Variants in NPAS3 observed in about 807,000 individuals in gnomAD.
NPAS3 encodes the protein neuronal PAS domain-containing protein 3.
NPAS3 carries 14 observed loss-of-function variants against 73.1 expected under a neutral mutation model. The ratio of observed to expected loss-of-function variants is 0.19; its 90% confidence interval spans 0.13 to 0.30. NPAS3 has a LOEUF of 0.30. Ranked by LOEUF, NPAS3 falls within the 10% of genes least tolerant of loss-of-function variation. NPAS3 has a pLI of 1.00. For missense variants in NPAS3, 1,096 were observed against 1,250.0 expected, an observed-to-expected ratio of 0.88 and a Z score of 1.86; for synonymous variants, 620 against 541.5, an observed-to-expected ratio of 1.14 and a Z score of -2.01.
intron 1 of NPAS3, among the ~76,000 whole-genome samples, chr14:33,034,438 G>C (rs1426681222): frequency 2.0e-5 from 3 of 151,332 alleles, no homozygotes; most frequent in Non-Finnish European, 4.4e-5. Context: ...AAGATGATCT[G>C]AGTTATATAA....
intron 4 of NPAS3, among the ~76,000 whole-genome samples, chr14:33,410,029 C>G (rs976766142): frequency 6.6e-6 from 1 of 152,208 alleles, no homozygotes; most frequent in East Asian, 1.9e-4. Context: ...ATTGGCAAGT[C>G]TCATGTTGAG....
chr14:33,232,442 G>T (rs2047886066), intron 3 of NPAS3, among the ~76,000 whole-genome samples: 1 of 152,144 alleles, frequency 6.6e-6, no homozygotes, highest in African/African-American at 2.4e-5. Flanking sequence ...TTCATAATTT[G>T]ACATTCTACT....
intron 5 of NPAS3, among the ~76,000 whole-genome samples, chr14:33,598,428 T>C (rs1205181654): frequency 1.3e-5 from 2 of 152,228 alleles, no homozygotes; most frequent in Admixed American, 1.3e-4. Context: ...TTTTAATAAG[T>C]CATCATTCTA....
intron 7 of NPAS3, among the ~76,000 whole-genome samples, chr14:33,771,445 T>C (rs2062648992): frequency 6.6e-6 from 1 of 152,198 alleles, no homozygotes. Context: ...TTCTCAAAGA[T>C]TTTTCAAATA....
intron 2 of NPAS3, among the ~76,000 whole-genome samples, chr14:33,100,653 A>G (rs17100112): frequency 0.12 from 17,748 of 152,170 alleles, 1,829 homozygotes; most frequent in African/African-American, 0.28. Context: ...AGTTACCTGG[A>G]AGATATGTCA....
At chr14:32,938,802 G>C (rs1254529335), upstream of NPAS3, among the ~76,000 whole-genome samples, 1 of 147,386 alleles carries the variant, frequency 6.8e-6, no homozygotes, top group East Asian at 2.0e-4. Context: ...GCCCTGGGCC[G>C]GGCTGCCCGC....
chr14:33,632,910 CA>C (rs2058420873), intron 5 of NPAS3, among the ~76,000 whole-genome samples: 1 of 152,120 alleles, frequency 6.6e-6, no homozygotes, highest in Non-Finnish European at 1.5e-5. Context: ...TAGCCCAAAT[CA>C]TCATTCCATC....
chr14:33,589,079 C>T (rs1010953774), intron 5 of NPAS3, among the ~76,000 whole-genome samples: 29 of 152,268 alleles, frequency 1.9e-4, no homozygotes, highest in Admixed American at 5.9e-4. Context: ...TACGTTTGTC[C>T]TCATCCCCCA....
chr14:33,024,432 A>G (rs751868068), intron 1 of NPAS3, among the ~76,000 whole-genome samples: 27 of 151,986 alleles, frequency 1.8e-4, no homozygotes, highest in Non-Finnish European at 3.2e-4. Context: ...GGCCTCCCAA[A>G]GTGCTGGGAT....
At position 33,472,660 on chromosome 14, in the gene NPAS3, G is replaced by A. The variant is rs1042897020; in HGVS notation, c.469-87461G>A. Among the ~76,000 whole-genome samples, 23 of 150,216 alleles carry A rather than the reference G, an allele frequency of 1.5e-4. 3 individuals are homozygous for A. The highest frequency in any genetic ancestry group is 5.8e-4 in the African/African-American group (23 of 39,660). Reference sequence around the variant, plus strand: ...AGAAATGATCACATTCTGTATAAATGAATGTCAAGCCCATAGGACTGGCAA... The same window carrying A: ...AGAAATGATCACATTCTGTATAAATAAATGTCAAGCCCATAGGACTGGCAA... On this transcript the variant is annotated intron_variant, in intron 4 of 11. Transcript: ENST00000356141.
chr14:33,626,205 C>T lies in NPAS3; in HGVS notation c.559-50006C>T, dbSNP rs189903587. Among the ~76,000 whole-genome samples, 88 of 152,264 alleles carry T rather than the reference C, an allele frequency of 5.8e-4. 1 individual carries two copies. The highest frequency in any genetic ancestry group is 2.0e-3 in the African/African-American group (84 of 41,564). On this transcript the variant is annotated intron_variant, in intron 5 of 11. Coordinates refer to ENST00000356141, the Ensembl canonical transcript of NPAS3. ...GGGAATGAAAATGAATACGAATCTA[C>T]AAACATCTAAGTATATTAAAATTTC...
intron 3 of NPAS3, among the ~76,000 whole-genome samples, chr14:33,309,496 A>T (rs77410589): frequency 0.06 from 9,207 of 152,262 alleles, 641 homozygotes; most frequent in Admixed American, 0.2. Flanking sequence ...CTGCGTTGTC[A>T]GTGGATGTGT....
At chr14:33,308,527 T>TATATATATATATATATACACACACACAC in intron 3 of NPAS3, among the ~76,000 whole-genome samples, 9 of 103,716 alleles carry the variant, frequency 8.7e-5, no homozygotes, top group African/African-American at 4.2e-4. Context: ...TATATATATA[T>TATATATATATATATATACACACACACAC]ACATACACAC....
At chr14:33,092,328 GACAA>G (rs1477063645) in intron 2 of NPAS3, among the ~76,000 whole-genome samples, 1 of 152,096 alleles carries the variant, frequency 6.6e-6, no homozygotes, top group Non-Finnish European at 1.5e-5. Context: ...ACTAATAACA[GACAA>G]ACAGAGAGGC....
chr14:32,958,764 G>A (rs1247216682), intron 1 of NPAS3, among the ~76,000 whole-genome samples: 1 of 152,142 alleles, frequency 6.6e-6, no homozygotes, highest in East Asian at 1.9e-4. Flanking sequence ...CATAGTACAT[G>A]CTCAGTATAT....
At chr14:33,785,840 C>T (rs549796170) in intron 9 of NPAS3, among the ~76,000 whole-genome samples, 1 of 152,334 alleles carries the variant, frequency 6.6e-6, no homozygotes, top group Non-Finnish European at 1.5e-5. Context: ...AATGACTTAA[C>T]TTTCTCTTCA....
chr14:33,446,460 C>A (rs1234981887), intron 4 of NPAS3, among the ~76,000 whole-genome samples: 7 of 152,046 alleles, frequency 4.6e-5, no homozygotes, highest in African/African-American at 1.7e-4. Context: ...CAGGCGTGAG[C>A]CACCGCGCCC....
At chr14:33,797,199 C>T (rs2063537578) in intron 10 of NPAS3, among the ~76,000 whole-genome samples, 1 of 152,150 alleles carries the variant, frequency 6.6e-6, no homozygotes, top group African/African-American at 2.4e-5. Context: ...CCAGTGGTAC[C>T]TGATTATTTA....
intron 7 of NPAS3, among the ~76,000 whole-genome samples, chr14:33,757,833 C>G (rs563583392): frequency 6.6e-6 from 1 of 152,266 alleles, no homozygotes; most frequent in East Asian, 1.9e-4. Flanking sequence ...CAGTTGGACA[C>G]TAGTCCTACT....
Sources: gnomAD v4.1 joint callset for allele counts (sites outside exome capture counted in the v4.1 genomes callset) on GRCh38, gnomAD v4.1.1 for gene constraint, MANE v1.5 for transcripts, NCBI Gene and HGNC (gene_info 2026-07-23, HGNC 2026-07-21) for gene names.